MTDH: variants seen among roughly 807,000 people sequenced by gnomAD.
MTDH encodes protein LYRIC.
Under a neutral mutation model 72.7 loss-of-function variants are expected in MTDH, and 34 were observed. The observed-to-expected ratio is 0.47, with a 90% CI of 0.36 to 0.62. MTDH has a LOEUF of 0.62. Among genes scored for constraint, MTDH ranks in the 20% least tolerant of loss-of-function variants. MTDH has a pLI of 0.00. For synonymous variants in MTDH, 266 were observed against 268.9 expected, an observed-to-expected ratio of 0.99 and a Z score of 0.10; for missense variants, 677 against 699.4, an observed-to-expected ratio of 0.97 and a Z score of 0.36.
chr8:97,682,975 A>G (rs35958942), intron 2 of MTDH, among the ~76,000 whole-genome samples: 3,398 of 149,282 alleles, frequency 0.023, 50 homozygotes, highest in Non-Finnish European at 0.034. Flanking sequence ...GGTTATTTGC[A>G]AGGGTAAAGT....
At chr8:97,692,370 T>G (rs552865271) in intron 6 of MTDH, among the ~76,000 whole-genome samples, 2 of 151,510 alleles carry the variant, frequency 1.3e-5, no homozygotes, top group African/African-American at 4.9e-5. Context: ...ATTCAAGAAG[T>G]AATTTTCCTT....
intron 8 of MTDH, among the ~76,000 whole-genome samples, chr8:97,711,222 G>A (rs1669635144): frequency 6.6e-6 from 1 of 151,734 alleles, no homozygotes; most frequent in South Asian, 2.1e-4. Flanking sequence ...TATAGGCCAG[G>A]CACGGTGGCT....
At chr8:97,654,485 A>G (rs1811890164) in intron 1 of MTDH, among the ~76,000 whole-genome samples, 1 of 151,986 alleles carries the variant, frequency 6.6e-6, no homozygotes, top group African/African-American at 2.4e-5. Context: ...TATTGTTAAG[A>G]CTGTCTTATA....
At chr8:97,663,801 G>A (rs1812270738) in intron 2 of MTDH, among the ~76,000 whole-genome samples, 1 of 148,394 alleles carries the variant, frequency 6.7e-6, no homozygotes, top group Non-Finnish European at 1.5e-5. Flanking sequence ...ATAATTTATA[G>A]ATATTATTTC....
Position 97,727,276 on chromosome 8 carries a change from G to C in MTDH, c.*2606G>C, listed in dbSNP as rs1363034984. ...GCACTTTGGGAGGCTGAGGCAGGTG[G>C]ATCACCTGAGGTCAGGAGTTTGAGA... On this transcript the variant is annotated 3_prime_UTR_variant, in exon 12 of 12. Transcript: ENST00000336273. 6.6e-6 allele frequency: 1 copy of C among 151,702 alleles called. No homozygotes were observed. Among genetic ancestry groups the C allele is most frequent in the African/African-American group, 2.4e-5 (1 of 41,290 alleles). The allele number at this position is 151,702 out of a possible 1,614,324, so 9.4% of individuals were successfully genotyped here.
At position 97,690,976 on chromosome 8, in the gene MTDH, T is replaced by A; in HGVS notation, c.836T>A (p.Leu279His). ...LQVSSGLNEN[L>H]TVNGGGWNEK... ...GTTTCTTCAGGATTGAATGAAAACC[T>A]CACTGTCAATGGAGGAGGCTGGAAT... The change falls in exon 6 of 12, where the codon CTC (leucine) becomes CAC (histidine). Residue 279 changes from leucine (L) to histidine (H), a missense_variant. Transcript: ENST00000336273. 1 of 1,613,170 alleles carries A rather than the reference T, an allele frequency of 6.2e-7. No homozygotes were observed. The highest frequency in any genetic ancestry group is 8.5e-7 in the Non-Finnish European group (1 of 1,179,520).
chr8:97,709,209 A>C (rs1355249249), intron 8 of MTDH, among the ~76,000 whole-genome samples: 5 of 151,046 alleles, frequency 3.3e-5, no homozygotes, highest in South Asian at 2.1e-4. Flanking sequence ...AAAAAAAAAA[A>C]CCACCAGATA....
At chr8:97,693,843 G>C (rs1236390177) in intron 6 of MTDH, among the ~76,000 whole-genome samples, 2 of 151,946 alleles carry the variant, frequency 1.3e-5, no homozygotes, top group Non-Finnish European at 2.9e-5. Context: ...AGCCTTCTTA[G>C]TAGCTGGGAC....
Position 97,689,664 on chromosome 8 carries a change from A to G in MTDH, c.811+561A>G, listed in dbSNP as rs531830934. Reference sequence around the variant, plus strand: ...CCTGAAAACAAAAGTGTTGTAGTAAAATAAAATTGGAAATGAAAAAAGCAC... The same window carrying G: ...CCTGAAAACAAAAGTGTTGTAGTAAGATAAAATTGGAAATGAAAAAAGCAC... On this transcript the variant is annotated intron_variant, in intron 5 of 11. Transcript: ENST00000336273. Among the ~76,000 whole-genome samples, 14 of 152,072 alleles carry G rather than the reference A, an allele frequency of 9.2e-5. No homozygotes were observed. The East Asian group carries it at 2.7e-3, about 29-fold the overall frequency.
rs1696967175 is a variant in MTDH, at chr8:97,727,691, C to G, written c.*3021C>G. 3.3e-5 allele frequency: 5 copies of G among 151,996 alleles called. No individual in the cohort carries two copies. Among genetic ancestry groups the G allele is most frequent in the Admixed American group, 2.0e-4 (3 of 15,244 alleles). The allele number at this position is 151,996 out of a possible 1,614,324, so 9.4% of individuals were successfully genotyped here. On this transcript the variant is annotated 3_prime_UTR_variant, in exon 12 of 12. Coordinates refer to ENST00000336273, the MANE Select transcript of MTDH (RefSeq NM_178812.4). ...TTATCAGGCCTGGAGGGGAACCTTG[C>G]TCATGTTAGCAAGAAAGGTATCCTA...
intron 6 of MTDH, among the ~76,000 whole-genome samples, chr8:97,692,558 A>G (rs1813656620): frequency 6.6e-6 from 1 of 151,776 alleles, no homozygotes; most frequent in Non-Finnish European, 1.5e-5. Flanking sequence ...TTGTATTTTT[A>G]GTAGAGACGG....
intron 6 of MTDH, among the ~76,000 whole-genome samples, chr8:97,698,623 G>T (rs1813971986): frequency 6.6e-6 from 1 of 152,156 alleles, no homozygotes; most frequent in South Asian, 2.1e-4. Context: ...AACTCTTCTT[G>T]TCTCTTTGGC....
In MTDH at chr8:97,676,438, C is replaced by T. The variant is rs1377171442; in HGVS notation, c.484-10230C>T. ...GGCATGAATTGTACACTATGCCTTT[C>T]TTTGTACTTTGCAATTCTCTGTCAA... On this transcript the variant is annotated intron_variant, in intron 2 of 11. Coordinates refer to ENST00000336273, the MANE Select transcript of MTDH (RefSeq NM_178812.4). Among the ~76,000 whole-genome samples the T allele has an allele frequency of 2.0e-5, 3 of 152,162 alleles. No homozygotes were observed. The East Asian group carries it at 5.8e-4, about 29-fold the overall frequency.
At position 97,675,940 on chromosome 8, in the gene MTDH, T is replaced by TTATC. The variant is rs1554577065; in HGVS notation, c.484-10727_484-10726insATCT. Among the ~76,000 whole-genome samples the TTATC allele has an allele frequency of 6.5e-4, 17 of 26,100 alleles. No homozygotes were observed. In the African/African-American group the frequency reaches 0.018, roughly 28 times the overall value. 17.1% of individuals were successfully genotyped at this position (26,100 alleles called of 152,430 possible). ...GTATAAATGGCTAGTTGCAAATAGG[T>TTATC]TTTTTTTTTTTTTTTTCTGAGATAG... On this transcript the variant is annotated intron_variant, in intron 2 of 11. Coordinates refer to ENST00000336273, the MANE Select transcript of MTDH (RefSeq NM_178812.4).
rs1815405146 is a variant in MTDH, at chr8:97,727,564, C to G, written c.*2894C>G. ...TCATCAACTCAGAAAGCACTAAAATCTAGGTGGTGATTCAGGGAGGAGCAG... is the reference window on the plus strand; with the variant it reads ...TCATCAACTCAGAAAGCACTAAAATGTAGGTGGTGATTCAGGGAGGAGCAG... On this transcript the variant is annotated 3_prime_UTR_variant, in exon 12 of 12. Transcript: ENST00000336273. 6.6e-6 allele frequency: 1 copy of G among 151,658 alleles called. No homozygotes were observed. The highest frequency in any genetic ancestry group is 2.4e-5 in the African/African-American group (1 of 41,238). 9.4% of individuals were successfully genotyped at this position (151,658 alleles called of 1,614,324 possible). A position where few individuals can be genotyped will look rare whatever the true frequency, so the allele number is the denominator to read the frequency against.
intron 2 of MTDH, among the ~76,000 whole-genome samples, chr8:97,679,559 T>C (rs1812987802): frequency 6.6e-6 from 1 of 152,188 alleles, no homozygotes; most frequent in Non-Finnish European, 1.5e-5. Context: ...TCTTCTTACT[T>C]TTTCAAGTAT....
At chr8:97,677,100 T>C (rs1158706999) in intron 2 of MTDH, among the ~76,000 whole-genome samples, 2 of 144,102 alleles carry the variant, frequency 1.4e-5, no homozygotes, top group African/African-American at 5.2e-5. Context: ...GGAGGATCAC[T>C]TGAGCCCAGG....
At position 97,659,085 on chromosome 8, in the gene MTDH, G is replaced by A. The variant is rs188500300; in HGVS notation, c.382-1987G>A. 4.5e-4 allele frequency among the ~76,000 whole-genome samples: 68 copies of A among 152,050 alleles called. 3 individuals are homozygous for A. In the East Asian group the frequency reaches 0.012, roughly 27 times the overall value. On this transcript the variant is annotated intron_variant, in intron 1 of 11. Coordinates refer to ENST00000336273, the MANE Select transcript of MTDH (RefSeq NM_178812.4). ...TTGAATCCAGGAGGCAGAGCTTGCA[G>A]TGAGCTGAGATTGCGCCACTGCACT...
intron 2 of MTDH, among the ~76,000 whole-genome samples, chr8:97,667,302 TA>T (rs113076674): frequency 6.7e-5 from 10 of 150,014 alleles, no homozygotes; most frequent in South Asian, 2.1e-4. Flanking sequence ...TACTCACAGT[TA>T]AAAAAAAAAT....
Sources: allele counts gnomAD v4.1 joint callset (sites outside exome capture counted in the v4.1 genomes callset), GRCh38; gene constraint gnomAD v4.1.1; transcripts MANE v1.5; gene names NCBI Gene and HGNC (gene_info 2026-07-23, HGNC 2026-07-21).